COX7B2: variants seen among roughly 807,000 people sequenced by gnomAD.
COX7B2 encodes the protein cytochrome c oxidase subunit 7B2.
For missense variants in COX7B2, 109 were observed against 95.9 expected (o/e 1.14, Z -0.57); for synonymous variants, 37 against 32.1 (o/e 1.15, Z -0.51).
At chr4:46,871,094 A>G (rs62305210) in intron 1 of COX7B2, among the ~76,000 whole-genome samples, 8,814 of 152,278 alleles carry the variant, frequency 0.058, 358 homozygotes, top group Admixed American at 0.095. Flanking sequence ...TTCCAACTAT[A>G]TGACAAGGCT....
chr4:46,844,811 A>C (rs1333062757), intron 2 of COX7B2, 149 bp downstream of exon 2: 1 of 152,052 alleles, frequency 6.6e-6, no homozygotes, highest in African/African-American at 2.4e-5. Flanking sequence ...TCTCAGTAAT[A>C]AACATCGTGC....
intron 2 of COX7B2, among the ~76,000 whole-genome samples, chr4:46,810,520 G>A (rs1401355646): frequency 1.3e-5 from 2 of 151,918 alleles, no homozygotes; most frequent in Non-Finnish European, 2.9e-5. Context: ...AATAATTTCT[G>A]TTATATACAA....
chr4:46,878,341 T>C (rs1718474815), intron 1 of COX7B2, among the ~76,000 whole-genome samples: 1 of 152,064 alleles, frequency 6.6e-6, no homozygotes, highest in South Asian at 2.1e-4. Flanking sequence ...ATAATGACTA[T>C]AGTTCATAAT....
Position 46,759,846 on chromosome 4 carries a change from TAA to T in COX7B2, c.-49-24607_-49-24606del, listed in dbSNP as rs573187549. Among the ~76,000 whole-genome samples, 513 of 149,830 alleles carry T rather than the reference TAA, an allele frequency of 3.4e-3. 3 individuals are homozygous for T. Among genetic ancestry groups the T allele is most frequent in the African/African-American group, 0.012 (486 of 40,664 alleles). On this transcript the variant is annotated intron_variant, in intron 2 of 2. Coordinates refer to ENST00000355591, the MANE Select transcript of COX7B2 (RefSeq NM_130902.3). ...TAAGTCATATCTTATATAAGTTATA[TAA>T]GTCATATCTTATATAAGTTATATAA...
rs528347306 is a variant in COX7B2, at chr4:46,799,109, T to C, written c.-50+45851A>G. Among the ~76,000 whole-genome samples the C allele has an allele frequency of 1.4e-4, 22 of 152,232 alleles. No homozygotes were observed. In the East Asian group the frequency reaches 3.7e-3, roughly 25 times the overall value. On this transcript the variant is annotated intron_variant, in intron 2 of 2. Transcript: ENST00000355591. ...AGCTGTATTCTGAAGGTTTTCTCTTTCTTGTGTGTGGCTATTGTGAATGAG... is the reference window on the plus strand; with the variant it reads ...AGCTGTATTCTGAAGGTTTTCTCTTCCTTGTGTGTGGCTATTGTGAATGAG...
chr4:46,854,812 A>G (rs1716909689), intron 1 of COX7B2, among the ~76,000 whole-genome samples: 1 of 152,222 alleles, frequency 6.6e-6, no homozygotes, highest in African/African-American at 2.4e-5. Flanking sequence ...GCCGCTTACA[A>G]AAAATTAATG....
At chr4:46,822,066 C>G (rs1341207966) in intron 2 of COX7B2, among the ~76,000 whole-genome samples, 2 of 152,144 alleles carry the variant, frequency 1.3e-5, no homozygotes, top group African/African-American at 4.8e-5. Flanking sequence ...CGCATGCCAC[C>G]ACACTGGGCT....
At chr4:46,742,548 T>C (rs1714781473) in intron 2 of COX7B2, among the ~76,000 whole-genome samples, 1 of 152,082 alleles carries the variant, frequency 6.6e-6, no homozygotes, top group African/African-American at 2.4e-5. Flanking sequence ...TGCTGAACAA[T>C]GGTTCTATTT....
intron 1 of COX7B2, among the ~76,000 whole-genome samples, chr4:46,904,958 T>G (rs1720286971): frequency 6.6e-6 from 1 of 152,198 alleles, no homozygotes; most frequent in South Asian, 2.1e-4. Context: ...CTAAATGGAT[T>G]ACTTACTTAC....
chr4:46,788,467 A>AC (rs1328212268), intron 2 of COX7B2, among the ~76,000 whole-genome samples: 1 of 152,190 alleles, frequency 6.6e-6, no homozygotes, highest in African/African-American at 2.4e-5. Flanking sequence ...AGTTAAAAAA[A>AC]TCTATTTCAA....
At chr4:46,759,051 T>G (rs1715970543) in intron 2 of COX7B2, among the ~76,000 whole-genome samples, 1 of 152,096 alleles carries the variant, frequency 6.6e-6, no homozygotes, top group Admixed American at 6.6e-5. Flanking sequence ...ACTGTCTTAG[T>G]CTGATAGCCT....
chr4:46,841,527 G>A (rs915648111), intron 2 of COX7B2, among the ~76,000 whole-genome samples: 2 of 151,822 alleles, frequency 1.3e-5, no homozygotes, highest in Non-Finnish European at 2.9e-5. Flanking sequence ...TGCTATCTTA[G>A]TAAGACATAA....
intron 2 of COX7B2, among the ~76,000 whole-genome samples, chr4:46,833,978 C>T (rs1481420404): frequency 6.6e-6 from 1 of 151,970 alleles, no homozygotes; most frequent in East Asian, 1.9e-4. Context: ...AAAACAAGGT[C>T]ACAGAGAGTG....
intron 2 of COX7B2, among the ~76,000 whole-genome samples, chr4:46,762,184 T>C (rs1201807997): frequency 6.9e-6 from 1 of 145,146 alleles, no homozygotes; most frequent in East Asian, 2.0e-4. Flanking sequence ...AAACAAAACA[T>C]ATATTGTGTA....
chr4:46,880,991 AAT>A (rs1491496247), intron 1 of COX7B2, among the ~76,000 whole-genome samples: 57 of 139,146 alleles, frequency 4.1e-4, no homozygotes, highest in Admixed American at 8.0e-4. Flanking sequence ...CTTAGAGTAT[AAT>A]AAAAAAAAAA....
rs1354918683 is a variant in COX7B2 at position 46,803,628 on chromosome 4, T to C, written c.-50+41332A>G. The stretch of plus-strand genomic sequence containing the variant: ...AGCATATATTTATAAACATGGCACA[T>C]GTCTTCCTTCTCAGATCAGGTGGAC... On this transcript the variant is annotated intron_variant, in intron 2 of 2. Transcript: ENST00000355591. 3.3e-5 allele frequency among the ~76,000 whole-genome samples: 5 copies of C among 152,150 alleles called. No homozygotes were observed. The South Asian group carries it at 6.2e-4, about 19-fold the overall frequency.
At chr4:46,901,182 T>C (rs976788060) in intron 1 of COX7B2, among the ~76,000 whole-genome samples, 1 of 152,198 alleles carries the variant, frequency 6.6e-6, no homozygotes, top group African/African-American at 2.4e-5. Context: ...ATTTTATTTG[T>C]GATATCTTGG....
At position 46,762,443 on chromosome 4, in the gene COX7B2, A is replaced by ATATATATAGTATATATAG. The variant is rs1164343734; in HGVS notation, c.-49-27203_-49-27202insCTATATATACTATATATA. Among the ~76,000 whole-genome samples, 10 of 136,936 alleles carry ATATATATAGTATATATAG rather than the reference A, an allele frequency of 7.3e-5. No homozygotes were observed. In the South Asian group the frequency reaches 1.9e-3, roughly 27 times the overall value. The allele number at this position is 136,936 out of a possible 152,430, so 89.8% of individuals were successfully genotyped here. On this transcript the variant is annotated intron_variant, in intron 2 of 2. Transcript: ENST00000355591. The stretch of plus-strand genomic sequence containing the variant: ...TATATATATTTACTATATATACTGT[A>ATATATATAGTATATATAG]TATATATACTATATATAGTATATGT...
At chr4:46,792,322 G>A (rs1248097950) in intron 2 of COX7B2, among the ~76,000 whole-genome samples, 1 of 152,100 alleles carries the variant, frequency 6.6e-6, no homozygotes, top group African/African-American at 2.4e-5. Context: ...CCAGATATCT[G>A]GCTAAATTTT....
Sources: gnomAD v4.1 joint callset for allele counts (sites outside exome capture counted in the v4.1 genomes callset) on GRCh38, gnomAD v4.1.1 for gene constraint, MANE v1.5 for transcripts, NCBI Gene and HGNC (gene_info 2026-07-23, HGNC 2026-07-21) for gene names.